The following RIN2 variants were observed in gnomAD, a reference collection of about 807,000 sequenced individuals.
RIN2 encodes the protein Ras and Rab interactor 2.
RIN2 carries 36 observed loss-of-function variants against 78.0 expected under a neutral mutation model. The observed-to-expected ratio is 0.46, with a 90% CI of 0.35 to 0.61. The LOEUF is 0.61. RIN2 is among the 20% of genes least tolerant of loss of function. The probability of loss-of-function intolerance (pLI) is 0.00; values close to 1 mark genes in which losing one functional copy is unlikely to be tolerated. For missense variants in RIN2, 1,087 were observed against 1,159.7 expected, an observed-to-expected ratio of 0.94 and a Z score of 0.91; for synonymous variants, 466 against 466.8, an observed-to-expected ratio of 1.00 and a Z score of 0.02.
At chr20:19,846,421 G>T (rs1365716397) in intron 2 of RIN2, among the ~76,000 whole-genome samples, 1 of 151,470 alleles carries the variant, frequency 6.6e-6, no homozygotes, top group Non-Finnish European at 1.5e-5. Context: ...GTGGTTTGTA[G>T]TTCTTGAAGA....
At chr20:19,826,976 T>TG (rs1167504874) in intron 2 of RIN2, among the ~76,000 whole-genome samples, 2 of 25,738 alleles carry the variant, frequency 7.8e-5, no homozygotes, top group African/African-American at 1.8e-3. Flanking sequence ...TGGTTTTGGG[T>TG]TTTTTTTTTT....
intron 1 of RIN2, among the ~76,000 whole-genome samples, chr20:19,776,949 G>A (rs1485179845): frequency 1.3e-5 from 2 of 152,082 alleles, no homozygotes; most frequent in African/African-American, 4.8e-5. Context: ...ATCTCCTTGG[G>A]CTCTAACTCA....
chr20:19,917,823 CACTT>C (rs759214428), intron 3 of RIN2, among the ~76,000 whole-genome samples: 1 of 152,226 alleles, frequency 6.6e-6, no homozygotes, highest in Non-Finnish European at 1.5e-5. Context: ...TTGGGGTACA[CACTT>C]TATTTACCCA....
Position 19,789,963 on chromosome 20 carries a change from AC to A in RIN2, c.-162-9658del, listed in dbSNP as rs1369948391. On this transcript the variant is annotated intron_variant, in intron 1 of 12. Transcript: ENST00000255006. ...CTTTTCTCCAAGTCAATCATCCAAGACTCCTTCAAACATCTTTTCCTAAACA... is the reference window on the plus strand; with the variant it reads ...CTTTTCTCCAAGTCAATCATCCAAGATCCTTCAAACATCTTTTCCTAAACA... Among the ~76,000 whole-genome samples, 3 of 151,448 alleles carry A rather than the reference AC, an allele frequency of 2.0e-5. No individual in the cohort carries two copies. The East Asian group carries it at 5.8e-4, about 29-fold the overall frequency.
intron 2 of RIN2, among the ~76,000 whole-genome samples, chr20:19,812,868 T>A (rs560974579): frequency 2.6e-5 from 4 of 152,366 alleles, no homozygotes; most frequent in Admixed American, 2.0e-4. Context: ...AGATGTTGGG[T>A]AAAGAAAGAC....
chr20:19,826,989 T>A (rs1385566922), intron 2 of RIN2, among the ~76,000 whole-genome samples: 1 of 150,462 alleles, frequency 6.6e-6, no homozygotes, highest in African/African-American at 2.4e-5. Context: ...TTTTTTTTTT[T>A]TTTGAGACAG....
chr20:19,882,302 G>A (rs566764135), intron 2 of RIN2, among the ~76,000 whole-genome samples: 1 of 152,232 alleles, frequency 6.6e-6, no homozygotes, highest in South Asian at 2.1e-4. Flanking sequence ...AAAGTTTCAC[G>A]AAGACAAAAA....
At chr20:19,782,210 A>G (rs1037881288) in intron 1 of RIN2, among the ~76,000 whole-genome samples, 4 of 152,194 alleles carry the variant, frequency 2.6e-5, no homozygotes, top group Non-Finnish European at 4.4e-5. Flanking sequence ...GTCCAGATCA[A>G]GCCTATATGT....
chr20:19,988,771 C>T (rs1055376075), intron 9 of RIN2, among the ~76,000 whole-genome samples: 1 of 152,154 alleles, frequency 6.6e-6, no homozygotes, highest in African/African-American at 2.4e-5. Context: ...ACATTTTTAA[C>T]TTTTAATTTT....
At chr20:19,914,645 G>T (rs1419659521) in intron 3 of RIN2, among the ~76,000 whole-genome samples, 1 of 152,152 alleles carries the variant, frequency 6.6e-6, no homozygotes, top group Non-Finnish European at 1.5e-5. Flanking sequence ...TTGGTCTTGT[G>T]GTTGGGGCTC....
At chr20:19,931,547 A>T (rs985832732) in intron 3 of RIN2, among the ~76,000 whole-genome samples, 2 of 152,352 alleles carry the variant, frequency 1.3e-5, no homozygotes, top group Non-Finnish European at 2.9e-5. Context: ...GTTATGTCAT[A>T]GTTGTACATA....
intron 2 of RIN2, among the ~76,000 whole-genome samples, chr20:19,838,884 C>T (rs928105645): frequency 3.3e-4 from 50 of 152,206 alleles, no homozygotes; most frequent in African/African-American, 1.1e-3. Flanking sequence ...AGACTTCACC[C>T]GAGCCTCCTC....
intron 1 of RIN2, among the ~76,000 whole-genome samples, chr20:19,761,654 A>G (rs1256236359): frequency 1.3e-5 from 2 of 152,232 alleles, no homozygotes; most frequent in East Asian, 3.8e-4. Flanking sequence ...TATTTTGGAT[A>G]GTAAAAATGT....
chr20:19,949,116 T>TA (rs917923241), intron 4 of RIN2, among the ~76,000 whole-genome samples: 11 of 151,972 alleles, frequency 7.2e-5, no homozygotes, highest in South Asian at 2.1e-4. Context: ...TCGTCTCTAC[T>TA]AAAAAAAATA....
At chr20:19,821,845 G>C (rs1478416846) in intron 2 of RIN2, among the ~76,000 whole-genome samples, 1 of 152,172 alleles carries the variant, frequency 6.6e-6, no homozygotes, top group South Asian at 2.1e-4. Flanking sequence ...GGTAGTGTCT[G>C]GGTGCAAAGG....
intron 2 of RIN2, among the ~76,000 whole-genome samples, chr20:19,879,922 A>T (rs961578842): frequency 5.3e-5 from 8 of 152,148 alleles, no homozygotes; most frequent in African/African-American, 1.4e-4. Flanking sequence ...AAACTCTTTC[A>T]TTTCTTTGGT....
At chr20:19,890,979 G>A (rs116062342) in intron 3 of RIN2, among the ~76,000 whole-genome samples, 2 of 152,186 alleles carry the variant, frequency 1.3e-5, no homozygotes, top group African/African-American at 2.4e-5. Flanking sequence ...ACCCTTGTTT[G>A]ATAAGTGAGC....
chr20:19,828,095 G>T (rs537757566), intron 2 of RIN2, among the ~76,000 whole-genome samples: 3 of 152,170 alleles, frequency 2.0e-5, no homozygotes, highest in African/African-American at 4.8e-5. Flanking sequence ...CTTATTTGTG[G>T]TGTCAGAACC....
intron 4 of RIN2, among the ~76,000 whole-genome samples, chr20:19,942,180 C>T (rs575797300): frequency 6.6e-6 from 1 of 150,950 alleles, no homozygotes; most frequent in East Asian, 1.9e-4. Flanking sequence ...GAGAGTGGAG[C>T]CTGAAGATTT....
Sources: gnomAD v4.1 joint callset for allele counts (sites outside exome capture counted in the v4.1 genomes callset) on GRCh38, gnomAD v4.1.1 for gene constraint, MANE v1.5 for transcripts, NCBI Gene and HGNC (gene_info 2026-07-23, HGNC 2026-07-21) for gene names.